LY86: variants seen among roughly 807,000 people sequenced by gnomAD.
The protein encoded by LY86 is MD-1, RP105-associated.
LY86 carries 20 observed loss-of-function variants against 17.3 expected under a neutral mutation model. That is an observed-to-expected ratio of 1.15 (90% CI 0.81 to 1.68). The LOEUF is 1.68. Ranked by LOEUF, LY86 falls within the 40% of genes most tolerant of loss-of-function variation. The pLI, the probability that LY86 is intolerant of heterozygous loss-of-function variation, is 0.00. For synonymous variants in LY86, 74 were observed against 70.6 expected, an observed-to-expected ratio of 1.05 and a Z score of -0.24; for missense variants, 200 against 191.9, an observed-to-expected ratio of 1.04 and a Z score of -0.25.
At chr6:6,648,115 T>C (rs1762133739) in intron 3 of LY86, among the ~76,000 whole-genome samples, 1 of 152,062 alleles carries the variant, frequency 6.6e-6, no homozygotes, top group Admixed American at 6.6e-5. Flanking sequence ...CACTCATCAG[T>C]GGGTGCTATC....
intron 1 of LY86, among the ~76,000 whole-genome samples, chr6:6,589,939 T>G (rs1292922720): frequency 2.0e-5 from 3 of 151,826 alleles, no homozygotes; most frequent in Non-Finnish European, 4.4e-5. Context: ...CTGACCAACA[T>G]GGAAAAACCC....
intron 1 of LY86, among the ~76,000 whole-genome samples, chr6:6,606,619 G>A (rs9504869): frequency 0.023 from 3,555 of 152,280 alleles, 98 homozygotes; most frequent in African/African-American, 0.064. Context: ...CCTGCCACGC[G>A]GGGAGGAAGC....
intron 1 of LY86, chr6:6,591,077 A>T (rs1267835580): frequency 6.5e-6 from 1 of 153,798 alleles, no homozygotes; most frequent in Non-Finnish European, 1.5e-5. Flanking sequence ...GATGTGAGAT[A>T]AATGGACTGG....
intron 1 of LY86, among the ~76,000 whole-genome samples, chr6:6,610,819 G>A (rs1319494409): frequency 6.6e-6 from 1 of 152,204 alleles, no homozygotes; most frequent in Non-Finnish European, 1.5e-5. Flanking sequence ...GTTCAGCAAA[G>A]TCAGTAAGAA....
At chr6:6,603,587 A>G (rs1487402741) in intron 1 of LY86, among the ~76,000 whole-genome samples, 1 of 67,632 alleles carries the variant, frequency 1.5e-5, no homozygotes, top group East Asian at 4.9e-4. Context: ...GCCAAAGCCA[A>G]AAACAAAAAC....
At chr6:6,609,854 A>G (rs1358096226) in intron 1 of LY86, among the ~76,000 whole-genome samples, 3 of 152,180 alleles carry the variant, frequency 2.0e-5, no homozygotes, top group African/African-American at 7.2e-5. Context: ...ATTTAAAAAA[A>G]AAAAAAGAAT....
intron 1 of LY86, among the ~76,000 whole-genome samples, chr6:6,591,842 G>C (rs1024144904): frequency 6.6e-6 from 1 of 152,204 alleles, no homozygotes; most frequent in African/African-American, 2.4e-5. Context: ...GGGGTGAGAG[G>C]AGAAGTTTGG....
At chr6:6,605,232 C>G (rs1011779671) in intron 1 of LY86, among the ~76,000 whole-genome samples, 1 of 152,086 alleles carries the variant, frequency 6.6e-6, no homozygotes, top group East Asian at 1.9e-4. Context: ...TAACAAATAC[C>G]CTAAAATTTG....
At chr6:6,647,001 A>G (rs1051961014) in intron 3 of LY86, among the ~76,000 whole-genome samples, 2 of 152,152 alleles carry the variant, frequency 1.3e-5, no homozygotes, top group Admixed American at 1.3e-4. Flanking sequence ...TGAATATTGT[A>G]TTCCTCCTTT....
intron 1 of LY86, among the ~76,000 whole-genome samples, chr6:6,593,843 G>A (rs1388539260): frequency 6.6e-6 from 1 of 152,230 alleles, no homozygotes; most frequent in Admixed American, 6.5e-5. Flanking sequence ...GCCCCTTGGT[G>A]CAGGTCAGGA....
At chr6:6,645,876 C>T (rs1037967961) in intron 3 of LY86, among the ~76,000 whole-genome samples, 6 of 152,086 alleles carry the variant, frequency 3.9e-5, no homozygotes, top group Admixed American at 6.5e-5. Context: ...GGCAAGAAAG[C>T]TGGAACACCA....
intron 1 of LY86, among the ~76,000 whole-genome samples, chr6:6,606,084 C>CTT (rs1210642875): frequency 6.6e-6 from 1 of 152,204 alleles, no homozygotes. Context: ...CTTTTATTCT[C>CTT]ATCTGGCCCC....
intron 1 of LY86, among the ~76,000 whole-genome samples, chr6:6,605,914 T>C (rs757062493): frequency 6.6e-6 from 1 of 152,176 alleles, no homozygotes; most frequent in Non-Finnish European, 1.5e-5. Flanking sequence ...GCTTCAGGAA[T>C]GAAGCTGCAG....
intron 1 of LY86, among the ~76,000 whole-genome samples, chr6:6,614,377 C>CT (rs57187485): frequency 0.068 from 9,832 of 145,524 alleles, 521 homozygotes; most frequent in African/African-American, 0.15. Flanking sequence ...AATCACGTCT[C>CT]TTTTTTTTTT....
chr6:6,608,797 G>T (rs1252140874), intron 1 of LY86, among the ~76,000 whole-genome samples: 1 of 152,242 alleles, frequency 6.6e-6, no homozygotes, highest in African/African-American at 2.4e-5. Flanking sequence ...AAACTCACAC[G>T]TGGTGTTTAA....
intron 1 of LY86, among the ~76,000 whole-genome samples, chr6:6,590,779 G>C (rs919743855): frequency 2.0e-5 from 3 of 152,168 alleles, no homozygotes; most frequent in African/African-American, 7.2e-5. Flanking sequence ...CTAAGCTGGG[G>C]AGTGATGAGG....
intron 3 of LY86, among the ~76,000 whole-genome samples, chr6:6,643,692 A>G (rs936377752): frequency 2.9e-5 from 4 of 136,434 alleles, no homozygotes; most frequent in African/African-American, 1.2e-4. Context: ...AAGCATGCAT[A>G]CACACAAAAA....
At chr6:6,639,134 G>T (rs1007618706) in intron 3 of LY86, among the ~76,000 whole-genome samples, 2 of 151,838 alleles carry the variant, frequency 1.3e-5, no homozygotes, top group Admixed American at 6.6e-5. Context: ...TAGGGACAGG[G>T]ATGAAACTGG....
At chr6:6,629,504 C>T (rs1246491776) in intron 3 of LY86, among the ~76,000 whole-genome samples, 1 of 152,246 alleles carries the variant, frequency 6.6e-6, no homozygotes, top group Non-Finnish European at 1.5e-5. Flanking sequence ...TGCTCTGGGG[C>T]TTGCAGGTCC....
Sources: gnomAD v4.1 joint callset for allele counts (sites outside exome capture counted in the v4.1 genomes callset) on GRCh38, gnomAD v4.1.1 for gene constraint, MANE v1.5 for transcripts, NCBI Gene and HGNC (gene_info 2026-07-23, HGNC 2026-07-21) for gene names.